Variants in TBC1D5 observed in about 807,000 individuals in gnomAD.
The protein encoded by TBC1D5 is TBC1 domain family member 5, also known as TBC1 domain family, member 5.
In TBC1D5, 75 loss-of-function variants were observed where a neutral mutation model predicts 100.3. That is an observed-to-expected ratio of 0.75 (90% confidence interval 0.62 to 0.91). The LOEUF is 0.91. Among genes scored for constraint, TBC1D5 ranks in the 40% least tolerant of loss-of-function variants. The pLI, the probability that TBC1D5 is intolerant of heterozygous loss-of-function variation, is 0.00. For missense variants in TBC1D5, 910 were observed against 942.4 expected, an observed-to-expected ratio of 0.97 and a Z score of 0.45; for synonymous variants, 323 against 325.6, an observed-to-expected ratio of 0.99 and a Z score of 0.09.
Position 17,428,525 on chromosome 3 carries a change from G to A in TBC1D5, c.98-6C>T. ...TCCATTTTTATTTGAATCTCCTGGA[G>A]AAAAAAATTACGACACTGAAATAAT... On this transcript the variant is annotated splice_polypyrimidine_tract_variant and splice_region_variant and intron_variant, in intron 3 of 21. Transcript: ENST00000253692. 6.8e-7 allele frequency: 1 copy of A among 1,470,002 alleles called. No homozygotes were observed. Among genetic ancestry groups the A allele is most frequent in the Non-Finnish European group, 9.1e-7 (1 of 1,102,868 alleles). The allele number at this position is 1,470,002 out of a possible 1,614,324, so 91.1% of individuals were successfully genotyped here. A position where few individuals can be genotyped will look rare whatever the true frequency, so the allele number is the denominator to read the frequency against.
chr3:17,316,107 T>G (rs1203353812), intron 13 of TBC1D5, among the ~76,000 whole-genome samples: 5 of 152,208 alleles, frequency 3.3e-5, no homozygotes, highest in Non-Finnish European at 5.9e-5. Flanking sequence ...GTCAGAGTTC[T>G]GTTGTCACAT....
At chr3:17,521,068 T>C (rs997193981) in intron 2 of TBC1D5, among the ~76,000 whole-genome samples, 1 of 152,142 alleles carries the variant, frequency 6.6e-6, no homozygotes, top group Admixed American at 6.5e-5. Flanking sequence ...CAAAGAAATA[T>C]AATAGACAAA....
chr3:17,307,883 T>C (rs570692280), intron 14 of TBC1D5, 109 bp downstream of exon 14: 7 of 1,397,860 alleles, frequency 5.0e-6, no homozygotes, highest in Admixed American at 5.2e-5. Context: ...CTACAAAAAT[T>C]GAGGTACATG....
intron 1 of TBC1D5, among the ~76,000 whole-genome samples, chr3:17,688,092 T>A (rs1262358295): frequency 1.3e-5 from 2 of 152,178 alleles, no homozygotes; most frequent in Non-Finnish European, 2.9e-5. Context: ...AATCGAATGC[T>A]ATGATTTCAC....
intron 13 of TBC1D5, among the ~76,000 whole-genome samples, chr3:17,327,666 A>G (rs1247245040): frequency 6.6e-6 from 1 of 152,018 alleles, no homozygotes; most frequent in Non-Finnish European, 1.5e-5. Flanking sequence ...CATATTAAAA[A>G]CTGTACTCCT....
At chr3:17,279,996 A>T (rs369309182) in intron 15 of TBC1D5, among the ~76,000 whole-genome samples, 1 of 152,292 alleles carries the variant, frequency 6.6e-6, no homozygotes. Flanking sequence ...CCGGAAGAGA[A>T]ATTTGAGGGC....
At chr3:17,657,497 C>T (rs1032488214) in intron 1 of TBC1D5, among the ~76,000 whole-genome samples, 3 of 151,886 alleles carry the variant, frequency 2.0e-5, no homozygotes, top group Non-Finnish European at 2.9e-5. Flanking sequence ...CCACCATGCC[C>T]GGCTAATTTT....
At chr3:17,309,970 C>A (rs993070294) in intron 13 of TBC1D5, among the ~76,000 whole-genome samples, 2 of 152,098 alleles carry the variant, frequency 1.3e-5, no homozygotes, top group African/African-American at 4.8e-5. Flanking sequence ...AAGGTTAATA[C>A]ACAACTACAG....
intron 1 of TBC1D5, among the ~76,000 whole-genome samples, chr3:17,665,264 GA>G (rs765359130): frequency 6.6e-6 from 1 of 152,122 alleles, no homozygotes; most frequent in Non-Finnish European, 1.5e-5. Context: ...CCCAGGCAAT[GA>G]AAACCACATG....
At chr3:17,587,579 A>G (rs1366647758) in intron 2 of TBC1D5, among the ~76,000 whole-genome samples, 1 of 151,990 alleles carries the variant, frequency 6.6e-6, no homozygotes, top group South Asian at 2.1e-4. Context: ...CCTTTTAGAT[A>G]TACCCATTTT....
chr3:17,460,385 G>A (rs928879539), intron 3 of TBC1D5, among the ~76,000 whole-genome samples: 1 of 152,084 alleles, frequency 6.6e-6, no homozygotes, highest in Non-Finnish European at 1.5e-5. Flanking sequence ...GAACGTTATG[G>A]CTTTCTAAAA....
chr3:17,389,387 T>C (rs1418811761), intron 8 of TBC1D5, among the ~76,000 whole-genome samples: 1 of 151,108 alleles, frequency 6.6e-6, no homozygotes, highest in Admixed American at 6.6e-5. Context: ...CTCTTCCCTT[T>C]GAGTATGTGC....
In TBC1D5 at chr3:17,670,251, T is replaced by C. The variant is rs149239451; in HGVS notation, c.-100-46338A>G. Among the ~76,000 whole-genome samples the C allele has an allele frequency of 3.2e-3, 491 of 152,346 alleles. 1 individual carries two copies. The highest frequency in any genetic ancestry group is 0.011 in the African/African-American group (464 of 41,586). ...AGTGAATACCAAATCACTCTGAACA[T>C]GTAAAAACAAACCTAATGTTCTGGG... On this transcript the variant is annotated intron_variant, in intron 1 of 21. Transcript: ENST00000253692.
chr3:17,204,062 C>A (rs1201598572), intron 18 of TBC1D5, among the ~76,000 whole-genome samples: 1 of 152,170 alleles, frequency 6.6e-6, no homozygotes, highest in East Asian at 1.9e-4. Context: ...ATTCTTTCTG[C>A]AATGAAAGCC....
chr3:17,239,774 T>C (rs1338221760), intron 16 of TBC1D5, among the ~76,000 whole-genome samples: 1 of 152,230 alleles, frequency 6.6e-6, no homozygotes, highest in Non-Finnish European at 1.5e-5. Context: ...AGATGAACAA[T>C]TCCCAAATGA....
At chr3:17,480,589 A>G (rs574948978) in intron 3 of TBC1D5, among the ~76,000 whole-genome samples, 1 of 152,022 alleles carries the variant, frequency 6.6e-6, no homozygotes, top group East Asian at 1.9e-4. Context: ...GGAGCTACCC[A>G]CTCCAGGTCT....
At chr3:17,545,932 C>G (rs2096410331) in intron 2 of TBC1D5, among the ~76,000 whole-genome samples, 1 of 152,154 alleles carries the variant, frequency 6.6e-6, no homozygotes, top group African/African-American at 2.4e-5. Context: ...AAGGAACTAG[C>G]TTTTTCCCAA....
rs140803105 is a variant in TBC1D5 at position 17,719,023 on chromosome 3, G to A, written c.-101+20320C>T. Reference sequence around the variant, plus strand: ...ATCAATAATTCCTTGGTATCATCAAGTATTGAAATTTTAAAAATAAAATCA... The same window carrying A: ...ATCAATAATTCCTTGGTATCATCAAATATTGAAATTTTAAAAATAAAATCA... On this transcript the variant is annotated intron_variant, in intron 1 of 21. Coordinates refer to ENST00000253692, the Ensembl canonical transcript of TBC1D5. 3.6e-3 allele frequency among the ~76,000 whole-genome samples: 544 copies of A among 152,120 alleles called. 2 individuals carry two copies. Among genetic ancestry groups the A allele is most frequent in the Non-Finnish European group, 6.9e-3 (467 of 68,004 alleles).
chr3:17,281,408 C>G (rs572241582), intron 15 of TBC1D5, among the ~76,000 whole-genome samples: 1 of 152,174 alleles, frequency 6.6e-6, no homozygotes, highest in Admixed American at 6.5e-5. Flanking sequence ...CATATGAGGA[C>G]CATACTCATG....
Sources: gnomAD v4.1 joint callset for allele counts (sites outside exome capture counted in the v4.1 genomes callset) on GRCh38, gnomAD v4.1.1 for gene constraint, MANE v1.5 for transcripts, NCBI Gene and HGNC (gene_info 2026-07-23, HGNC 2026-07-21) for gene names.